The following METTL15 variants were observed in gnomAD, a reference collection of about 807,000 sequenced individuals.
METTL15 encodes 12S rRNA N(4)-cytidine methyltransferase METTL15.
Under a neutral mutation model 38.3 loss-of-function variants are expected in METTL15, and 34 were observed. That is an observed-to-expected ratio of 0.89 (90% CI 0.68 to 1.18). The LOEUF is 1.18. METTL15 is among the 50% of genes most tolerant of loss of function. METTL15 has a pLI of 0.00. For synonymous variants in METTL15, 162 were observed against 170.9 expected (o/e 0.95, Z 0.41); for missense variants, 438 against 498.4 (o/e 0.88, Z 1.15).
chr11:28,321,851 A>G (rs1849481159), intron 6 of METTL15, among the ~76,000 whole-genome samples: 1 of 149,646 alleles, frequency 6.7e-6, no homozygotes, highest in Non-Finnish European at 1.5e-5. Context: ...TTGCAGAAAA[A>G]TAGGAGAAAC....
chr11:28,368,152 C>CAGAAAAAAAAAAAA (rs1850206427), intron 5 of METTL15, among the ~76,000 whole-genome samples: 1 of 108,708 alleles, frequency 9.2e-6, no homozygotes, highest in Non-Finnish European at 2.0e-5. Context: ...ACAAAAAAAA[C>CAGAAAAAAAAAAAA]AAAAAAAAAA....
intron 4 of METTL15, among the ~76,000 whole-genome samples, chr11:28,251,688 C>T (rs528798880): frequency 6.6e-6 from 1 of 152,118 alleles, no homozygotes; most frequent in African/African-American, 2.4e-5. Flanking sequence ...CTGAATTTTT[C>T]TTCCATTCTA....
intron 6 of METTL15, among the ~76,000 whole-genome samples, chr11:28,484,180 T>C (rs1368046305): frequency 6.6e-6 from 1 of 152,212 alleles, no homozygotes; most frequent in Non-Finnish European, 1.5e-5. Flanking sequence ...GTTCTTTACT[T>C]TTATTCCTTA....
intron 3 of METTL15, among the ~76,000 whole-genome samples, chr11:28,151,670 T>G (rs999106941): frequency 6.6e-6 from 1 of 152,048 alleles, no homozygotes; most frequent in Non-Finnish European, 1.5e-5. Context: ...TTTGTAATTG[T>G]CTCTTAACTT....
chr11:28,300,715 G>GT, intron 6 of METTL15, among the ~76,000 whole-genome samples: 1 of 152,212 alleles, frequency 6.6e-6, no homozygotes, highest in African/African-American at 2.4e-5. Flanking sequence ...ACTACTGGCC[G>GT]TGAATCTTAA....
chr11:28,488,807 C>T (rs1851458043), intron 6 of METTL15, among the ~76,000 whole-genome samples: 1 of 152,170 alleles, frequency 6.6e-6, no homozygotes, highest in South Asian at 2.1e-4. Context: ...CTTCCTAGAC[C>T]TGCTGTTCCT....
In METTL15 at chr11:28,350,612, A is replaced by G. The variant is rs746963499; in HGVS notation, c.*190-1478A>G. Among the ~76,000 whole-genome samples, 5 of 152,238 alleles carry G rather than the reference A, an allele frequency of 3.3e-5. No homozygotes were observed. In the South Asian group the frequency reaches 8.3e-4, roughly 25 times the overall value. ...TTTAATACACTCCTTCTTTTTCTCT[A>G]CTTGTTTTTGACTTCTTGTCTTTTT... On this transcript the variant is annotated intron_variant and NMD_transcript_variant, in intron 3 of 7. Coordinates refer to the METTL15 transcript ENST00000532947.
At chr11:28,128,821 C>G (rs1852614031) in intron 3 of METTL15, among the ~76,000 whole-genome samples, 1 of 152,060 alleles carries the variant, frequency 6.6e-6, no homozygotes, top group Admixed American at 6.6e-5. Flanking sequence ...TTGGGATATT[C>G]TGACCATCAA....
chr11:28,222,069 G>A (rs531307219), intron 4 of METTL15, among the ~76,000 whole-genome samples: 1 of 152,158 alleles, frequency 6.6e-6, no homozygotes, highest in African/African-American at 2.4e-5. Flanking sequence ...AACCACTACT[G>A]TCTTCCAAGC....
intron 6 of METTL15, among the ~76,000 whole-genome samples, chr11:28,445,149 G>C (rs1242575623): frequency 6.6e-6 from 1 of 152,138 alleles, no homozygotes; most frequent in African/African-American, 2.4e-5. Context: ...GAACAGATGA[G>C]AAGGCAGGAA....
At chr11:28,282,488 A>G (rs965319129) in intron 4 of METTL15, among the ~76,000 whole-genome samples, 5 of 152,058 alleles carry the variant, frequency 3.3e-5, no homozygotes, top group Non-Finnish European at 7.4e-5. Context: ...GCTTCCTACA[A>G]TTTTTCTCTT....
chr11:28,334,127 A>G (rs114514665), downstream of METTL15, among the ~76,000 whole-genome samples: 9 of 151,968 alleles, frequency 5.9e-5, no homozygotes, highest in Admixed American at 3.9e-4. Flanking sequence ...GTATATTAGA[A>G]GCTAACTGTT....
At chr11:28,226,388 T>C (rs1479307210) in intron 4 of METTL15, among the ~76,000 whole-genome samples, 1 of 152,024 alleles carries the variant, frequency 6.6e-6, no homozygotes, top group African/African-American at 2.4e-5. Context: ...ACAAACAAAT[T>C]ATATTACTGT....
intron 5 of METTL15, among the ~76,000 whole-genome samples, chr11:28,414,646 G>A (rs982068683): frequency 7.9e-5 from 12 of 152,068 alleles, no homozygotes; most frequent in Admixed American, 2.0e-4. Flanking sequence ...TTGTTTAGTC[G>A]TTTATTTTTT....
At chr11:28,195,996 G>A (rs1209291505) in intron 3 of METTL15, among the ~76,000 whole-genome samples, 2 of 151,974 alleles carry the variant, frequency 1.3e-5, no homozygotes, top group East Asian at 3.9e-4. Flanking sequence ...CTTAGTTGAA[G>A]ATCAGTTGGT....
At chr11:28,221,975 C>T (rs960386357) in intron 4 of METTL15, among the ~76,000 whole-genome samples, 3 of 152,188 alleles carry the variant, frequency 2.0e-5, no homozygotes, top group African/African-American at 7.2e-5. Flanking sequence ...TGGGGGATGC[C>T]TTCCAGTTAG....
chr11:28,243,063 T>C (rs1854366245), intron 4 of METTL15, among the ~76,000 whole-genome samples: 1 of 151,860 alleles, frequency 6.6e-6, no homozygotes, highest in Admixed American at 6.6e-5. Flanking sequence ...AATATAATTC[T>C]GCCTGATGAT....
At chr11:28,247,614 A>G (rs899047788) in intron 4 of METTL15, among the ~76,000 whole-genome samples, 2 of 152,150 alleles carry the variant, frequency 1.3e-5, no homozygotes, top group Admixed American at 1.3e-4. Flanking sequence ...AAGAACACTT[A>G]AGATTGATCG....
chr11:28,120,239 A>T (rs1264767159), intron 3 of METTL15, among the ~76,000 whole-genome samples: 1 of 148,170 alleles, frequency 6.7e-6, no homozygotes, highest in Non-Finnish European at 1.5e-5. Context: ...GGTGTAAGCC[A>T]CTGTGCCCAG....
Sources: allele counts gnomAD v4.1 joint callset (sites outside exome capture counted in the v4.1 genomes callset), GRCh38; gene constraint gnomAD v4.1.1; transcripts MANE v1.5; gene names NCBI Gene and HGNC (gene_info 2026-07-23, HGNC 2026-07-21).